The following DLG1 variants were observed in gnomAD, a reference collection of about 807,000 sequenced individuals.
DLG1 encodes the protein disks large homolog 1.
In DLG1, 42 loss-of-function variants were observed where a neutral mutation model predicts 123.4. The observed-to-expected ratio is 0.34, with a 90% CI of 0.27 to 0.44. The LOEUF is 0.44. Among genes scored for constraint, DLG1 ranks in the 20% least tolerant of loss-of-function variants. The probability of loss-of-function intolerance (pLI) is 1.00; values close to 1 mark genes in which losing one functional copy is unlikely to be tolerated. For missense variants in DLG1, 942 were observed against 1,082.6 expected, an observed-to-expected ratio of 0.87 and a Z score of 1.82; for synonymous variants, 317 against 356.2, an observed-to-expected ratio of 0.89 and a Z score of 1.24.
At chr3:197,294,983 G>T (rs1020370028) in intron 3 of DLG1, among the ~76,000 whole-genome samples, 1 of 151,962 alleles carries the variant, frequency 6.6e-6, no homozygotes. Context: ...AAATTACTAG[G>T]CTCAATGTTG....
chr3:197,142,877 A>T, intron 6 of DLG1, 109 bp from the exon 7 acceptor site: 1 of 727,186 alleles, frequency 1.4e-6, no homozygotes, highest in Non-Finnish European at 2.4e-6. Flanking sequence ...ATGCGACAGT[A>T]ATCAAACACA....
chr3:197,297,611 C>A (rs1778122582), intron 1 of DLG1: 3 of 1,011,282 alleles, frequency 3.0e-6, no homozygotes, highest in Non-Finnish European at 3.5e-6. Flanking sequence ...GGCCGCAGAG[C>A]GCTGAGAGGG....
chr3:197,092,675 T>A (rs1228436126), intron 14 of DLG1, among the ~76,000 whole-genome samples: 4 of 152,074 alleles, frequency 2.6e-5, no homozygotes, highest in African/African-American at 7.2e-5. Context: ...TTTTAAAAAA[T>A]TATTTTTGGT....
intron 24 of DLG1, among the ~76,000 whole-genome samples, chr3:197,047,036 T>C (rs1161637387): frequency 6.6e-6 from 1 of 152,126 alleles, no homozygotes. Flanking sequence ...GATGTGATAA[T>C]CCAATACAGC....
chr3:197,117,714 G>T (rs1774076037), intron 12 of DLG1, among the ~76,000 whole-genome samples: 2 of 152,192 alleles, frequency 1.3e-5, no homozygotes, highest in African/African-American at 2.4e-5. Flanking sequence ...CACAGAGTTT[G>T]TCTGAAGTAA....
At chr3:197,279,867 T>A (rs1408861325) in intron 4 of DLG1, among the ~76,000 whole-genome samples, 1 of 152,232 alleles carries the variant, frequency 6.6e-6, no homozygotes, top group African/African-American at 2.4e-5. Flanking sequence ...AATATTATTA[T>A]TGATATATAA....
At chr3:197,147,551 C>T (rs1279404600) in intron 6 of DLG1, among the ~76,000 whole-genome samples, 1 of 151,806 alleles carries the variant, frequency 6.6e-6, no homozygotes, top group Non-Finnish European at 1.5e-5. Context: ...GATTATTATT[C>T]TAAGTGAAGT....
intron 3 of DLG1, among the ~76,000 whole-genome samples, chr3:197,291,060 G>A (rs947004274): frequency 5.9e-5 from 9 of 152,116 alleles, no homozygotes; most frequent in African/African-American, 2.2e-4. Context: ...AAATGGCTTA[G>A]AAGAAATATT....
chr3:197,156,564 C>T (rs181106722), intron 5 of DLG1, among the ~76,000 whole-genome samples: 4 of 152,194 alleles, frequency 2.6e-5, no homozygotes, highest in African/African-American at 9.6e-5. Context: ...ACAAGAGACT[C>T]ACTGTAGATC....
At chr3:197,167,735 G>A (rs1802125468) in intron 5 of DLG1, among the ~76,000 whole-genome samples, 1 of 152,126 alleles carries the variant, frequency 6.6e-6, no homozygotes, top group Non-Finnish European at 1.5e-5. Context: ...CATATTTAAG[G>A]TATAGAATTT....
At chr3:197,092,132 C>T (rs1419798358) in intron 14 of DLG1, among the ~76,000 whole-genome samples, 2 of 152,062 alleles carry the variant, frequency 1.3e-5, no homozygotes, top group Non-Finnish European at 2.9e-5. Flanking sequence ...AATATCAATC[C>T]ATGGCAAGTT....
chr3:197,269,490 A>C (rs570728192), intron 4 of DLG1, among the ~76,000 whole-genome samples: 5 of 152,298 alleles, frequency 3.3e-5, no homozygotes, highest in African/African-American at 1.2e-4. Flanking sequence ...TTTTAACTTT[A>C]TTGCAGTATT....
At chr3:197,064,173 G>C (rs1022330018) in intron 22 of DLG1, among the ~76,000 whole-genome samples, 6 of 151,402 alleles carry the variant, frequency 4.0e-5, no homozygotes, top group Admixed American at 2.6e-4. Context: ...ACCCACCTCA[G>C]CCTTCCACTG....
At chr3:197,221,244 G>A (rs1268828177) in intron 4 of DLG1, among the ~76,000 whole-genome samples, 11 of 152,160 alleles carry the variant, frequency 7.2e-5, no homozygotes, top group African/African-American at 2.4e-4. Flanking sequence ...GGGACCGGGC[G>A]TGGTGGCTCA....
intron 18 of DLG1, chr3:197,075,796 T>C: frequency 3.8e-6 from 6 of 1,590,092 alleles, no homozygotes; most frequent in South Asian, 2.2e-5. Context: ...GGTCTGCAGA[T>C]GGAGGTTAAA....
intron 4 of DLG1, among the ~76,000 whole-genome samples, chr3:197,273,112 GA>G (rs1192642969): frequency 2.0e-5 from 3 of 151,596 alleles, no homozygotes; most frequent in Admixed American, 6.6e-5. Flanking sequence ...CTTTATGTAA[GA>G]ATATTATACA....
rs1210385820 is a variant in DLG1, at chr3:197,115,938, G to A, written c.1432C>T (p.Arg478Cys). 9 of 1,611,838 alleles carry A rather than the reference G, an allele frequency of 5.6e-6. No homozygotes were observed. Among genetic ancestry groups the A allele is most frequent in the Admixed American group, 1.7e-5 (1 of 59,692 alleles). ...DLSGELRKGD[R>C]IISVNSVDLR... The stretch of plus-strand genomic sequence containing the variant: ...CTAACGTGTCTTACCGATATAATAC[G>A]ATCTCCTTTTCTGAGCTCTCCACTT... Residue 478 changes from arginine (R) to cysteine (C), a missense_variant, in exon 13 of 25, where the codon CGT (arginine) becomes TGT (cysteine). Coordinates refer to ENST00000667157, the MANE Select transcript of DLG1 (RefSeq NM_001366207.1).
At chr3:197,051,916 A>G (rs1055994917) in intron 23 of DLG1, among the ~76,000 whole-genome samples, 8 of 137,642 alleles carry the variant, frequency 5.8e-5, no homozygotes, top group African/African-American at 2.2e-4. Context: ...ATCTCAGCTC[A>G]CTGCAACCTC....
At chr3:197,139,819 A>G (rs1787094480) in intron 8 of DLG1, among the ~76,000 whole-genome samples, 1 of 152,206 alleles carries the variant, frequency 6.6e-6, no homozygotes, top group Admixed American at 6.5e-5. Flanking sequence ...GAGGAAATGG[A>G]AAATATTCTG....
Sources: gnomAD v4.1 joint callset for allele counts (sites outside exome capture counted in the v4.1 genomes callset) on GRCh38, gnomAD v4.1.1 for gene constraint, MANE v1.5 for transcripts, NCBI Gene and HGNC (gene_info 2026-07-23, HGNC 2026-07-21) for gene names.